Variants in DLC1 observed in about 807,000 individuals in gnomAD.
The protein encoded by DLC1 is rho GTPase-activating protein 7.
A neutral mutation model predicts 140.3 loss-of-function variants in DLC1; 54 were observed. That is an observed-to-expected ratio of 0.38 (90% CI 0.31 to 0.48). The LOEUF is 0.48. Among genes scored for constraint, DLC1 ranks in the 20% least tolerant of loss-of-function variants. The pLI is 0.96. For synonymous variants in DLC1, 986 were observed against 728.1 expected, an observed-to-expected ratio of 1.35 and a Z score of -5.70; for missense variants, 2,536 against 1,907.0, an observed-to-expected ratio of 1.33 and a Z score of -6.14.
At chr8:13,593,333 G>C (rs140693647) in intron 1 of DLC1, among the ~76,000 whole-genome samples, 2 of 152,244 alleles carry the variant, frequency 1.3e-5, no homozygotes, top group African/African-American at 4.8e-5. Flanking sequence ...GTTTTGTCCA[G>C]CAAATATTTC....
rs1554577907 is a variant in DLC1, at chr8:13,120,356, A to AATATATATATATAT, written c.1349-4713_1349-4700dup. Among the ~76,000 whole-genome samples, 258 of 60,304 alleles carry AATATATATATATAT rather than the reference A, an allele frequency of 4.3e-3. 3 individuals are homozygous for AATATATATATATAT. The Middle Eastern group carries it at 0.048, about 11-fold the overall frequency. 39.6% of individuals were successfully genotyped at this position (60,304 alleles called of 152,430 possible). A position where few individuals can be genotyped will look rare whatever the true frequency, so the allele number is the denominator to read the frequency against. ...AGACTCCGTCGCAAAAAAAAAAAAA[A>AATATATATATATAT]ATATATATATATATAAAATGTATAT... On this transcript the variant is annotated intron_variant, in intron 5 of 17. Transcript: ENST00000276297.
intron 5 of DLC1, among the ~76,000 whole-genome samples, chr8:13,183,017 C>T (rs1016459137): frequency 1.3e-5 from 2 of 152,112 alleles, no homozygotes; most frequent in Non-Finnish European, 2.9e-5. Context: ...TGTAGTTCTC[C>T]TTGAAGAGGT....
chr8:13,181,276 T>C (rs188110603), intron 5 of DLC1, among the ~76,000 whole-genome samples: 17 of 151,900 alleles, frequency 1.1e-4, no homozygotes, highest in African/African-American at 4.1e-4. Context: ...AGCCTTCACA[T>C]CTTTACTCAA....
At chr8:13,117,867 G>A (rs1820698683) in intron 5 of DLC1, among the ~76,000 whole-genome samples, 1 of 152,120 alleles carries the variant, frequency 6.6e-6, no homozygotes, top group Non-Finnish European at 1.5e-5. Context: ...CATGCCAAGA[G>A]GCATGGAAGA....
intron 5 of DLC1, among the ~76,000 whole-genome samples, chr8:13,142,237 G>C (rs1396844312): frequency 6.6e-6 from 1 of 152,096 alleles, no homozygotes; most frequent in Non-Finnish European, 1.5e-5. Flanking sequence ...CCCAGTCTTG[G>C]GTATTTCTTT....
chr8:13,263,018 T>C (rs891881011), intron 5 of DLC1, among the ~76,000 whole-genome samples: 5 of 152,226 alleles, frequency 3.3e-5, no homozygotes, highest in Non-Finnish European at 7.3e-5. Flanking sequence ...GTGCATTTAA[T>C]AGAGTAGAAT....
intron 5 of DLC1, among the ~76,000 whole-genome samples, chr8:13,278,820 T>C (rs1401327735): frequency 6.6e-6 from 1 of 152,194 alleles, no homozygotes; most frequent in Non-Finnish European, 1.5e-5. Flanking sequence ...TAATGTATGA[T>C]AAAGTCGTCT....
chr8:13,330,543 G>A (rs1563258703), intron 4 of DLC1, among the ~76,000 whole-genome samples: 1 of 152,214 alleles, frequency 6.6e-6, no homozygotes, highest in East Asian at 1.9e-4. Flanking sequence ...ATTAATTCTA[G>A]ATAATTATAT....
At chr8:13,439,791 A>G (rs1040258967) in intron 2 of DLC1, among the ~76,000 whole-genome samples, 12 of 152,092 alleles carry the variant, frequency 7.9e-5, no homozygotes, top group African/African-American at 1.7e-4. Flanking sequence ...CTCGCTGCCT[A>G]TATTTCCTAA....
chr8:13,546,273 G>A (rs1016256409), intron 1 of DLC1, among the ~76,000 whole-genome samples: 2 of 151,984 alleles, frequency 1.3e-5, no homozygotes, highest in Admixed American at 6.6e-5. Flanking sequence ...TCAATTTAAT[G>A]TCCAAGCATT....
At position 13,233,306 on chromosome 8, in the gene DLC1, A is replaced by T. The variant is rs989811217; in HGVS notation, c.1348+71963T>A. On this transcript the variant is annotated intron_variant, in intron 5 of 17. Coordinates refer to ENST00000276297, the MANE Select transcript of DLC1 (RefSeq NM_182643.3). ...TAAGACTCTGTATAAAAAAAAAAAA[A>T]AAAAAAAAAAAAAAAAAAAGAGTAG... Among the ~76,000 whole-genome samples, 39 of 143,988 alleles carry T rather than the reference A, an allele frequency of 2.7e-4. 1 individual carries two copies. Among genetic ancestry groups the T allele is most frequent in the Non-Finnish European group, 4.7e-4 (31 of 66,428 alleles). The allele number at this position is 143,988 out of a possible 152,430, so 94.5% of individuals were successfully genotyped here.
intron 2 of DLC1, among the ~76,000 whole-genome samples, chr8:13,403,923 T>A (rs529915706): frequency 6.7e-6 from 1 of 150,074 alleles, no homozygotes; most frequent in Admixed American, 6.8e-5. Flanking sequence ...CTTCCCAAAG[T>A]GCTGGGATTA....
rs150095082 is a variant in DLC1 at position 13,089,428 on chromosome 8, C to G, written c.4075-724G>C. Reference sequence around the variant, plus strand: ...AGTCACAAGGTCAGGAGTTCGAGACCAGCCTGGCCAATATGGTGAAACCCC... The same window carrying G: ...AGTCACAAGGTCAGGAGTTCGAGACGAGCCTGGCCAATATGGTGAAACCCC... On this transcript the variant is annotated intron_variant, in intron 15 of 17. Transcript: ENST00000276297. Among the ~76,000 whole-genome samples, 1,487 of 152,046 alleles carry G rather than the reference C, an allele frequency of 9.8e-3. 25 individuals carry two copies. The highest frequency in any genetic ancestry group is 0.034 in the African/African-American group (1,394 of 41,454).
chr8:13,451,902 G>A (rs1401508071), intron 2 of DLC1, among the ~76,000 whole-genome samples: 1 of 152,120 alleles, frequency 6.6e-6, no homozygotes, highest in Non-Finnish European at 1.5e-5. Flanking sequence ...AGGATTGCTG[G>A]ATCATATGGT....
chr8:13,490,087 C>T (rs12334378), intron 2 of DLC1, among the ~76,000 whole-genome samples: 3,513 of 152,212 alleles, frequency 0.023, 153 homozygotes, highest in African/African-American at 0.08. Flanking sequence ...TTCCTCATTA[C>T]AGCTTACTCC....
chr8:13,099,670 G>A lies in DLC1; in HGVS notation c.2667C>T (p.Ser889=), dbSNP rs1818837508. The change falls in exon 9 of 18, where the codon TCC becomes TCT. Residue 889 remains serine, a synonymous_variant. Coordinates refer to ENST00000276297, the MANE Select transcript of DLC1 (RefSeq NM_182643.3). ...CCAGATCCGCCAGGTCCCCTGAACT[G>A]GAGTAGAGGATGGAGCCCGGCACGT... The part of the protein sequence containing the change: ...YDNVPGSILY[S]SSGDLADLEN... 1.2e-6 allele frequency: 2 copies of A among 1,614,080 alleles called. No individual in the cohort carries two copies. The highest frequency in any genetic ancestry group is 1.7e-6 in the Non-Finnish European group (2 of 1,180,050).
chr8:13,590,079 A>G (rs1401378362), intron 1 of DLC1, among the ~76,000 whole-genome samples: 1 of 151,530 alleles, frequency 6.6e-6, no homozygotes, highest in Non-Finnish European at 1.5e-5. Flanking sequence ...ATATATATAC[A>G]AACACATGCT....
At chr8:13,167,519 G>C (rs1825188933) in intron 5 of DLC1, among the ~76,000 whole-genome samples, 1 of 152,046 alleles carries the variant, frequency 6.6e-6, no homozygotes, top group African/African-American at 2.4e-5. Context: ...TTATCTACCG[G>C]GTCTCAAAGC....
intron 1 of DLC1, among the ~76,000 whole-genome samples, chr8:13,521,894 A>C (rs1802778278): frequency 6.6e-6 from 1 of 152,294 alleles, no homozygotes; most frequent in Admixed American, 6.5e-5. Flanking sequence ...GTGTATTACT[A>C]TGTTCATAAC....
Sources: gnomAD v4.1 joint callset for allele counts (sites outside exome capture counted in the v4.1 genomes callset) on GRCh38, gnomAD v4.1.1 for gene constraint, MANE v1.5 for transcripts, NCBI Gene and HGNC (gene_info 2026-07-23, HGNC 2026-07-21) for gene names.